GRM8: variants seen among roughly 807,000 people sequenced by gnomAD.
GRM8 encodes the protein metabotropic glutamate receptor 8.
Under a neutral mutation model 87.2 loss-of-function variants are expected in GRM8, and 47 were observed. That is an observed-to-expected ratio of 0.54 (90% confidence interval 0.43 to 0.69). The LOEUF is 0.69. Ranked by LOEUF, GRM8 falls within the 30% of genes least tolerant of loss-of-function variation. The pLI is 0.00. For synonymous variants in GRM8, 396 were observed against 404.5 expected (o/e 0.98, Z 0.25); for missense variants, 1,019 against 1,139.2 (o/e 0.89, Z 1.52).
chr7:126,546,311 C>T (rs758201944), intron 8 of GRM8, among the ~76,000 whole-genome samples: 1 of 152,102 alleles, frequency 6.6e-6, no homozygotes, highest in Non-Finnish European at 1.5e-5. Context: ...CCAATAGATT[C>T]GAGTCCAGGG....
chr7:126,455,003 G>A (rs1022017032), intron 9 of GRM8, among the ~76,000 whole-genome samples: 1 of 151,560 alleles, frequency 6.6e-6, no homozygotes, highest in South Asian at 2.1e-4. Context: ...AGTTGGTTGT[G>A]GTTAAATATA....
chr7:126,472,390 G>A (rs934336568), intron 9 of GRM8, among the ~76,000 whole-genome samples: 2 of 152,066 alleles, frequency 1.3e-5, no homozygotes, highest in African/African-American at 4.8e-5. Context: ...AGAGTTATTA[G>A]CATGAAGGGT....
At chr7:127,092,096 C>T (rs1371837797) in intron 3 of GRM8, among the ~76,000 whole-genome samples, 1 of 147,796 alleles carries the variant, frequency 6.8e-6, no homozygotes, top group Non-Finnish European at 1.5e-5. Context: ...GGTCATTCCC[C>T]CGTTCCACTG....
intron 7 of GRM8, among the ~76,000 whole-genome samples, chr7:126,707,215 C>T (rs1020048360): frequency 2.0e-5 from 3 of 152,042 alleles, no homozygotes; most frequent in Non-Finnish European, 4.4e-5. Flanking sequence ...GGCTCAGGAA[C>T]CTACCATGGC....
chr7:126,926,309 C>A (rs2131397134), intron 3 of GRM8, among the ~76,000 whole-genome samples: 1 of 152,260 alleles, frequency 6.6e-6, no homozygotes, highest in South Asian at 2.1e-4. Context: ...GCAGCAATAT[C>A]TTTGATGGAG....
At chr7:127,182,151 A>G (rs1304452094) in intron 2 of GRM8, among the ~76,000 whole-genome samples, 2 of 152,146 alleles carry the variant, frequency 1.3e-5, no homozygotes, top group Non-Finnish European at 2.9e-5. Context: ...TCAATAAGAA[A>G]AAAACAAACA....
Position 126,484,782 on chromosome 7 carries a change from C to T in GRM8, c.2431-38410G>A, listed in dbSNP as rs147385717. ...ACCTTAAAATGTGAGAGCTGGCCTT[C>T]GTAAAACAAACGTGCTATTAAAAAT... On this transcript the variant is annotated intron_variant, in intron 9 of 10. Coordinates refer to ENST00000339582, the MANE Select transcript of GRM8 (RefSeq NM_000845.3). 5.9e-5 allele frequency among the ~76,000 whole-genome samples: 9 copies of T among 151,908 alleles called. 1 individual carries two copies. Among genetic ancestry groups the T allele is most frequent in the Admixed American group, 2.6e-4 (4 of 15,250 alleles).
intron 7 of GRM8, among the ~76,000 whole-genome samples, chr7:126,614,892 G>A (rs573148167): frequency 1.2e-4 from 19 of 152,308 alleles, no homozygotes; most frequent in Non-Finnish European, 2.1e-4. Context: ...CCAAATCTAC[G>A]TCTGATTGGT....
intron 6 of GRM8, among the ~76,000 whole-genome samples, chr7:126,844,959 C>A (rs2130642505): frequency 6.6e-6 from 1 of 152,272 alleles, no homozygotes; most frequent in East Asian, 1.9e-4. Flanking sequence ...GAATTTAGTC[C>A]TTAGCCCTTG....
chr7:126,929,543 C>T lies in GRM8; in HGVS notation c.728-24860G>A, dbSNP rs543656444. 7.3e-3 allele frequency among the ~76,000 whole-genome samples: 1,117 copies of T among 152,296 alleles called. 8 individuals are homozygous for T. The highest frequency in any genetic ancestry group is 0.012 in the Non-Finnish European group (806 of 68,006). The stretch of plus-strand genomic sequence containing the variant: ...CCACCTCCCGGGGTCAAGCGATTCT[C>T]CTGCCTCAGCCTCCTGCATAGCTGG... On this transcript the variant is annotated intron_variant, in intron 3 of 10. Coordinates refer to ENST00000339582, the MANE Select transcript of GRM8 (RefSeq NM_000845.3).
intron 9 of GRM8, among the ~76,000 whole-genome samples, chr7:126,491,051 T>G (rs1807949908): frequency 6.6e-6 from 1 of 152,106 alleles, no homozygotes. Context: ...CTATATGATG[T>G]ACCATTGGAA....
chr7:126,446,154 AC>A lies in GRM8; in HGVS notation c.2648del (p.Ser883MetfsTer40). 1 of 1,612,858 alleles carries A rather than the reference AC, an allele frequency of 6.2e-7. No homozygotes were observed. Among genetic ancestry groups the A allele is most frequent in the Non-Finnish European group, 8.5e-7 (1 of 1,179,156 alleles). ...GNDRPNGEVK[S>X]ELCESLETNT... Reference sequence around the variant, plus strand: ...TGGTTTCAAGACTCTCACAGAGTTCACTTTTCACCTCGCCATTTGGTCTGTC... The same window carrying A: ...TGGTTTCAAGACTCTCACAGAGTTCATTTTCACCTCGCCATTTGGTCTGTC... On this transcript the variant is annotated frameshift_variant, in exon 10 of 11. Transcript: ENST00000339582. LOFTEE classifies it high-confidence loss of function.
chr7:126,855,135 C>T (rs1035215063), intron 6 of GRM8, among the ~76,000 whole-genome samples: 1 of 152,024 alleles, frequency 6.6e-6, no homozygotes, highest in Admixed American at 6.6e-5. Flanking sequence ...CAGATGTAGA[C>T]CATAACCTTA....
rs942932731 is a variant in GRM8, at chr7:126,899,415, C to G, written c.1156+3127G>C. Among the ~76,000 whole-genome samples, 3 of 152,176 alleles carry G rather than the reference C, an allele frequency of 2.0e-5. No homozygotes were observed. The South Asian group carries it at 6.2e-4, about 32-fold the overall frequency. On this transcript the variant is annotated intron_variant, in intron 6 of 10. Coordinates refer to ENST00000339582, the MANE Select transcript of GRM8 (RefSeq NM_000845.3). ...CTACACGTCACACCCTACTCCATGC[C>G]TTTGTCCTGCTGACTCCCCATTTCT...
intron 3 of GRM8, among the ~76,000 whole-genome samples, chr7:127,019,717 A>G (rs1202327010): frequency 2.0e-5 from 3 of 152,176 alleles, no homozygotes; most frequent in African/African-American, 7.2e-5. Flanking sequence ...GTCCAATCTG[A>G]TACAGCTTTG....
chr7:126,554,530 C>T (rs1434423390), intron 8 of GRM8, among the ~76,000 whole-genome samples: 1 of 151,960 alleles, frequency 6.6e-6, no homozygotes, highest in Non-Finnish European at 1.5e-5. Context: ...GAGGTTGAGG[C>T]TGCAGTGAGT....
chr7:126,645,610 A>G (rs1170384619), intron 7 of GRM8, among the ~76,000 whole-genome samples: 1 of 152,182 alleles, frequency 6.6e-6, no homozygotes, highest in Non-Finnish European at 1.5e-5. Flanking sequence ...CACCATCTCA[A>G]TTGATTAATT....
In GRM8 at chr7:126,847,050, T is replaced by A. The variant is rs570755686; in HGVS notation, c.1156+55492A>T. Reference sequence around the variant, plus strand: ...AGCATTCTTTATATTTTAAAATGAGTTTACTTTGGATGTGCTGTTAAGGTA... The same window carrying A: ...AGCATTCTTTATATTTTAAAATGAGATTACTTTGGATGTGCTGTTAAGGTA... On this transcript the variant is annotated intron_variant, in intron 6 of 10. Transcript: ENST00000339582. 3.9e-5 allele frequency among the ~76,000 whole-genome samples: 6 copies of A among 152,300 alleles called. No individual in the cohort carries two copies. In the South Asian group the frequency reaches 1.2e-3, roughly 32 times the overall value.
At chr7:127,197,806 A>G (rs1795368339) in intron 2 of GRM8, among the ~76,000 whole-genome samples, 1 of 152,220 alleles carries the variant, frequency 6.6e-6, no homozygotes, top group Non-Finnish European at 1.5e-5. Context: ...AGAGGCATCT[A>G]CTACTAAATG....
Sources: allele counts gnomAD v4.1 joint callset (sites outside exome capture counted in the v4.1 genomes callset), GRCh38; gene constraint gnomAD v4.1.1; transcripts MANE v1.5; gene names NCBI Gene and HGNC (gene_info 2026-07-23, HGNC 2026-07-21).